KCMF1: variants seen among roughly 807,000 people sequenced by gnomAD.
KCMF1 encodes E3 ubiquitin-protein ligase KCMF1.
A neutral mutation model predicts 41.1 loss-of-function variants in KCMF1; 3 were observed. That is an observed-to-expected ratio of 0.07 (90% CI 0.03 to 0.19). The LOEUF (loss-of-function observed/expected upper bound fraction) is 0.19, where lower values mean the gene tolerates loss of function less well. KCMF1 is among the 10% of genes least tolerant of loss of function. The pLI, the probability that KCMF1 is intolerant of heterozygous loss-of-function variation, is 1.00. For synonymous variants in KCMF1, 142 were observed against 164.5 expected (o/e 0.86, Z 1.04); for missense variants, 286 against 488.9 (o/e 0.58, Z 3.91).
rs558720972 is a variant in KCMF1, at chr2:85,003,472, C to T, written c.17-24417C>T. ...CAGCCTGGGCGACAGAGTGAGACTC[C>T]GTCTCAAAAAAAAAAATAAGTCTTG... On this transcript the variant is annotated intron_variant, in intron 1 of 6. Coordinates refer to ENST00000409785, the MANE Select transcript of KCMF1 (RefSeq NM_020122.5). Among the ~76,000 whole-genome samples the T allele has an allele frequency of 5.3e-5, 8 of 150,952 alleles. No individual in the cohort carries two copies. In the South Asian group the frequency reaches 6.3e-4, roughly 12 times the overall value.
At chr2:85,053,059 A>C in intron 6 of KCMF1, 89 bp from the exon 7 acceptor site, 1 of 1,233,098 alleles carries the variant, frequency 8.1e-7, no homozygotes. Flanking sequence ...CACCTGTAAA[A>C]CTTCACAGTG....
chr2:85,002,563 C>G (rs1674359949), intron 1 of KCMF1, among the ~76,000 whole-genome samples: 1 of 151,704 alleles, frequency 6.6e-6, no homozygotes, highest in South Asian at 2.1e-4. Flanking sequence ...GAAACCAACA[C>G]TAGTACATTA....
intron 1 of KCMF1, among the ~76,000 whole-genome samples, chr2:85,010,276 C>T (rs1426095442): frequency 6.6e-6 from 1 of 152,138 alleles, no homozygotes; most frequent in Non-Finnish European, 1.5e-5. Flanking sequence ...CAAGACCAGC[C>T]TGGGCAACGT....
At chr2:84,994,082 G>C (rs979582499) in intron 1 of KCMF1, among the ~76,000 whole-genome samples, 1 of 151,738 alleles carries the variant, frequency 6.6e-6, no homozygotes, top group Non-Finnish European at 1.5e-5. Flanking sequence ...CAAGTAGCTG[G>C]GACTACTGGC....
At chr2:85,013,708 G>GA (rs1674701719) in intron 1 of KCMF1, among the ~76,000 whole-genome samples, 1 of 151,866 alleles carries the variant, frequency 6.6e-6, no homozygotes, top group South Asian at 2.1e-4. Flanking sequence ...TGAGGTAGGA[G>GA]AATCACTTGA....
At chr2:84,984,340 A>G (rs910719816) in intron 1 of KCMF1, among the ~76,000 whole-genome samples, 8 of 151,938 alleles carry the variant, frequency 5.3e-5, no homozygotes, top group African/African-American at 1.5e-4. Flanking sequence ...AGCTCAAGCA[A>G]TTTTCCCGCC....
At chr2:85,044,842 T>C (rs1349836791) in intron 4 of KCMF1, among the ~76,000 whole-genome samples, 2 of 152,234 alleles carry the variant, frequency 1.3e-5, no homozygotes, top group Admixed American at 1.3e-4. Context: ...CTGCATTCCC[T>C]TCCTTGTCTC....
Position 85,053,960 on chromosome 2 carries a change from C to T in KCMF1, c.*551C>T, listed in dbSNP as rs1675870938. The T allele has an allele frequency of 6.6e-6, 1 of 152,642 alleles. No homozygotes were observed. Among genetic ancestry groups the T allele is most frequent in the South Asian group, 2.1e-4 (1 of 4,848 alleles). 9.5% of individuals were successfully genotyped at this position (152,642 alleles called of 1,614,324 possible). A position where few individuals can be genotyped will look rare whatever the true frequency, so the allele number is the denominator to read the frequency against. ...CTGAATCACCTTTCTTTGTGTGCCTCCTACGCACAAAGCCAGCTCTGCAGT... is the reference window on the plus strand; with the variant it reads ...CTGAATCACCTTTCTTTGTGTGCCTTCTACGCACAAAGCCAGCTCTGCAGT... On this transcript the variant is annotated 3_prime_UTR_variant, in exon 7 of 7. Coordinates refer to ENST00000409785, the MANE Select transcript of KCMF1 (RefSeq NM_020122.5).
intron 1 of KCMF1, among the ~76,000 whole-genome samples, chr2:84,983,707 C>T (rs1314227453): frequency 6.6e-6 from 1 of 152,168 alleles, no homozygotes; most frequent in African/African-American, 2.4e-5. Flanking sequence ...AATGGGGTTT[C>T]ACTGTGTTGG....
intron 2 of KCMF1, among the ~76,000 whole-genome samples, chr2:85,030,340 G>C (rs1675236923): frequency 6.6e-6 from 1 of 151,982 alleles, no homozygotes. Context: ...TTCTAATTCT[G>C]ATAATGTCCC....
intron 2 of KCMF1, among the ~76,000 whole-genome samples, chr2:85,031,984 C>T (rs919367938): frequency 3.9e-5 from 6 of 152,166 alleles, no homozygotes; most frequent in Non-Finnish European, 8.8e-5. Context: ...AAGTGGTCCC[C>T]GCCTCCACCT....
At chr2:85,046,629 C>CA (rs1252387892) in intron 5 of KCMF1, among the ~76,000 whole-genome samples, 3,109 of 76,368 alleles carry the variant, frequency 0.041, 49 homozygotes, top group African/African-American at 0.089. Flanking sequence ...GACCCTGTCT[C>CA]AAAAAAAAAA....
chr2:85,037,123 T>G (rs1675423052), intron 3 of KCMF1, among the ~76,000 whole-genome samples: 1 of 152,178 alleles, frequency 6.6e-6, no homozygotes, highest in South Asian at 2.1e-4. Flanking sequence ...TTGTGAGTTG[T>G]GTTTATGCCT....
chr2:84,973,511 A>C (rs373888963), intron 1 of KCMF1, among the ~76,000 whole-genome samples: 1 of 152,222 alleles, frequency 6.6e-6, no homozygotes, highest in East Asian at 1.9e-4. Context: ...ACCTAATGAA[A>C]AAGGAACATA....
At chr2:85,024,993 CTTA>C (rs1168132319) in intron 1 of KCMF1, among the ~76,000 whole-genome samples, 8 of 152,064 alleles carry the variant, frequency 5.3e-5, no homozygotes, top group African/African-American at 1.9e-4. Context: ...TATGGTGTTA[CTTA>C]TTATTTATTA....
rs371129487 is a variant in KCMF1, at chr2:84,995,170, C to T, written c.16+23703C>T. Among the ~76,000 whole-genome samples the T allele has an allele frequency of 3.9e-5, 6 of 152,084 alleles. No homozygotes were observed. The East Asian group carries it at 7.7e-4, about 20-fold the overall frequency. The stretch of plus-strand genomic sequence containing the variant: ...CTGAGTAGCTGGGATTACAGGCGCC[C>T]ACCACCAACCCCAGCTAATTTTCAT... On this transcript the variant is annotated intron_variant, in intron 1 of 6. Coordinates refer to ENST00000409785, the MANE Select transcript of KCMF1 (RefSeq NM_020122.5).
intron 1 of KCMF1, among the ~76,000 whole-genome samples, chr2:85,006,974 C>G (rs2103996834): frequency 6.6e-6 from 1 of 151,900 alleles, no homozygotes; most frequent in South Asian, 2.1e-4. Context: ...CAGGCACATG[C>G]CTGTAATCCC....
chr2:85,043,520 A>G, intron 3 of KCMF1, 44 bp from the exon 4 acceptor site: 1 of 1,096,364 alleles, frequency 9.1e-7, no homozygotes, highest in Non-Finnish European at 1.4e-6. Context: ...AAGATGTCTT[A>G]TTGACGTTCA....
chr2:85,020,674 C>G (rs542815383), intron 1 of KCMF1, among the ~76,000 whole-genome samples: 1 of 152,260 alleles, frequency 6.6e-6, no homozygotes, highest in South Asian at 2.1e-4. Flanking sequence ...ACAATCTGTT[C>G]CCTTTAGTCT....
Sources: gnomAD v4.1 joint callset for allele counts (sites outside exome capture counted in the v4.1 genomes callset) on GRCh38, gnomAD v4.1.1 for gene constraint, MANE v1.5 for transcripts, NCBI Gene and HGNC (gene_info 2026-07-23, HGNC 2026-07-21) for gene names.